The following RIMS2 variants were observed in gnomAD, a reference collection of about 807,000 sequenced individuals.
RIMS2 encodes regulating synaptic membrane exocytosis 2, also known as regulating synaptic membrane exocytosis protein 2.
RIMS2 carries 59 observed loss-of-function variants against 174.4 expected under a neutral mutation model. The observed-to-expected ratio is 0.34, with a 90% CI of 0.27 to 0.42. RIMS2 has a LOEUF of 0.42. Among genes scored for constraint, RIMS2 ranks in the 10% least tolerant of loss-of-function variants. The pLI, the probability that RIMS2 is intolerant of heterozygous loss-of-function variation, is 1.00. For synonymous variants in RIMS2, 606 were observed against 572.5 expected (o/e 1.06, Z -0.84); for missense variants, 1,620 against 1,666.3 (o/e 0.97, Z 0.48).
At chr8:103,596,617 G>A (rs80350345) in intron 1 of RIMS2, among the ~76,000 whole-genome samples, 9,933 of 151,724 alleles carry the variant, frequency 0.065, 401 homozygotes, top group South Asian at 0.088. Flanking sequence ...TTATCTGATC[G>A]TCATACATTA....
intron 4 of RIMS2, among the ~76,000 whole-genome samples, chr8:103,909,437 T>C (rs2154526807): frequency 6.6e-6 from 1 of 152,260 alleles, no homozygotes; most frequent in African/African-American, 2.4e-5. Context: ...ATTTACTTAT[T>C]ATAAGAATGT....
rs140218892 is a variant in RIMS2, at chr8:103,766,167, T to C, written c.388-60T>C. 2.5e-4 allele frequency: 310 copies of C among 1,252,254 alleles called. 3 individuals are homozygous for C. In the African/African-American group the frequency reaches 3.7e-3, roughly 15 times the overall value. The allele number at this position is 1,252,254 out of a possible 1,614,324, so 77.6% of individuals were successfully genotyped here. On this transcript the variant is annotated intron_variant, in intron 2 of 23. Transcript: ENST00000504942. Reference sequence around the variant, plus strand: ...TTTGTTTGCTTGAATTTTTGTCTCTTTTTATTTGTTTTTAACTTTTGGGAA... The same window carrying C: ...TTTGTTTGCTTGAATTTTTGTCTCTCTTTATTTGTTTTTAACTTTTGGGAA...
chr8:103,844,595 G>C (rs1200919256), intron 3 of RIMS2, among the ~76,000 whole-genome samples: 1 of 152,140 alleles, frequency 6.6e-6, no homozygotes, highest in Admixed American at 6.5e-5. Flanking sequence ...CATTGGCTCT[G>C]AAAGCCATCA....
intron 19 of RIMS2, chr8:104,223,927 C>A: frequency 1.4e-6 from 1 of 709,382 alleles, no homozygotes; most frequent in South Asian, 1.8e-5. Flanking sequence ...GTGCCGGGGG[C>A]GACAGCCCTA....
At chr8:103,782,433 CGTGTGTGTGT>C (rs71297237) in intron 3 of RIMS2, among the ~76,000 whole-genome samples, 2 of 145,736 alleles carry the variant, frequency 1.4e-5, no homozygotes, top group African/African-American at 2.5e-5. Flanking sequence ...ACATAAATCC[CGTGTGTGTGT>C]GTGTGTGTGT....
chr8:104,096,888 AG>A (rs2097772402), intron 19 of RIMS2, among the ~76,000 whole-genome samples: 1 of 151,528 alleles, frequency 6.6e-6, no homozygotes, highest in African/African-American at 2.4e-5. Flanking sequence ...AAAAAAAAAA[AG>A]AAAAAGAAAA....
At chr8:103,960,575 G>T (rs1488485709) in intron 14 of RIMS2, among the ~76,000 whole-genome samples, 7 of 152,006 alleles carry the variant, frequency 4.6e-5, no homozygotes, top group Non-Finnish European at 1.0e-4. Flanking sequence ...TTCTCTCCAT[G>T]AGCATGAAAA....
At chr8:103,683,347 C>G (rs2096902334) in intron 1 of RIMS2, among the ~76,000 whole-genome samples, 1 of 152,062 alleles carries the variant, frequency 6.6e-6, no homozygotes, top group African/African-American at 2.4e-5. Flanking sequence ...ATGAATAAAG[C>G]CAGAGTCTTT....
chr8:103,697,742 T>G (rs1326167531), intron 2 of RIMS2, among the ~76,000 whole-genome samples: 3 of 151,800 alleles, frequency 2.0e-5, no homozygotes, highest in Non-Finnish European at 4.4e-5. Context: ...AAGAAAAAGT[T>G]TGGGCAGGGT....
At chr8:104,065,735 G>A (rs768013405) in intron 19 of RIMS2, among the ~76,000 whole-genome samples, 14 of 152,098 alleles carry the variant, frequency 9.2e-5, no homozygotes, top group Non-Finnish European at 1.9e-4. Flanking sequence ...TGAAATAGTC[G>A]TTTGAGATTT....
chr8:104,225,135 C>T (rs778419898), intron 19 of RIMS2, among the ~76,000 whole-genome samples: 1 of 152,068 alleles, frequency 6.6e-6, no homozygotes, highest in African/African-American at 2.4e-5. Flanking sequence ...TATTATTAGT[C>T]CGGCACTGTT....
At chr8:104,064,038 G>A (rs2097057411) in intron 19 of RIMS2, among the ~76,000 whole-genome samples, 1 of 152,118 alleles carries the variant, frequency 6.6e-6, no homozygotes, top group Admixed American at 6.6e-5. Flanking sequence ...CTGGCTGCCA[G>A]CTATTGTGAC....
At chr8:104,116,793 A>C (rs1566506613) in intron 19 of RIMS2, among the ~76,000 whole-genome samples, 1 of 152,166 alleles carries the variant, frequency 6.6e-6, no homozygotes. Context: ...GTCTTTAAAA[A>C]AACATATTTC....
intron 1 of RIMS2, among the ~76,000 whole-genome samples, chr8:103,670,036 C>G (rs2096725789): frequency 6.6e-6 from 1 of 152,250 alleles, no homozygotes; most frequent in South Asian, 2.1e-4. Context: ...AAACTTCTGC[C>G]TGGACATCTA....
intron 19 of RIMS2, among the ~76,000 whole-genome samples, chr8:104,105,570 T>TA (rs557395194): frequency 2.7e-5 from 4 of 148,574 alleles, no homozygotes; most frequent in East Asian, 2.0e-4. Flanking sequence ...CAGTGTTAAT[T>TA]AAAAAAAAAA....
intron 15 of RIMS2, among the ~76,000 whole-genome samples, chr8:103,963,824 C>T (rs1435491135): frequency 6.6e-6 from 1 of 152,110 alleles, no homozygotes; most frequent in Non-Finnish European, 1.5e-5. Flanking sequence ...AGAATATTTC[C>T]ACTACCTTAA....
intron 1 of RIMS2, among the ~76,000 whole-genome samples, chr8:103,527,365 A>G (rs534646659): frequency 5.3e-5 from 8 of 152,172 alleles, no homozygotes; most frequent in African/African-American, 7.2e-5. Flanking sequence ...GCCTATGCAC[A>G]TCATCCAGTA....
At chr8:103,619,320 A>T (rs1369695769) in intron 1 of RIMS2, among the ~76,000 whole-genome samples, 1 of 152,050 alleles carries the variant, frequency 6.6e-6, no homozygotes, top group Non-Finnish European at 1.5e-5. Context: ...ATTCTAGATG[A>T]TATCAACATT....
chr8:103,555,815 G>GA (rs1260771144), intron 1 of RIMS2, among the ~76,000 whole-genome samples: 1 of 136,094 alleles, frequency 7.3e-6, no homozygotes, highest in Non-Finnish European at 1.6e-5. Context: ...AAAAAAAAAA[G>GA]AAAAAAAGTG....
Sources: gnomAD v4.1 joint callset for allele counts (sites outside exome capture counted in the v4.1 genomes callset) on GRCh38, gnomAD v4.1.1 for gene constraint, MANE v1.5 for transcripts, NCBI Gene and HGNC (gene_info 2026-07-23, HGNC 2026-07-21) for gene names.